TRIM42: variants seen among roughly 807,000 people sequenced by gnomAD.
The protein encoded by TRIM42 is tripartite motif containing 42, also known as tripartite motif-containing protein 42.
Under a neutral mutation model 64.9 loss-of-function variants are expected in TRIM42, and 59 were observed. The ratio of observed to expected loss-of-function variants is 0.91; its 90% CI spans 0.74 to 1.13. TRIM42 has a LOEUF of 1.13. Among genes scored for constraint, TRIM42 ranks in the 50% most tolerant of loss-of-function variants. The probability of loss-of-function intolerance (pLI) is 0.00; values close to 1 mark genes in which losing one functional copy is unlikely to be tolerated. For missense variants in TRIM42, 878 were observed against 929.5 expected, an observed-to-expected ratio of 0.94 and a Z score of 0.72; for synonymous variants, 354 against 346.3, an observed-to-expected ratio of 1.02 and a Z score of -0.25.
chr3:140,686,748 C>T (rs1464640748), intron 2 of TRIM42, among the ~76,000 whole-genome samples: 1 of 152,170 alleles, frequency 6.6e-6, no homozygotes, highest in Non-Finnish European at 1.5e-5. Flanking sequence ...TGAGAAGAAC[C>T]TTACCCGTAG....
chr3:140,691,977 GA>G (rs10711078), intron 4 of TRIM42, among the ~76,000 whole-genome samples: 119,746 of 149,832 alleles, frequency 0.8, 48,471 homozygotes, highest in Middle Eastern at 0.89. Context: ...AGAAGAAGAA[GA>G]AAAAAAAAAA....
intron 4 of TRIM42, among the ~76,000 whole-genome samples, chr3:140,698,042 A>C (rs1304685279): frequency 6.6e-6 from 1 of 152,130 alleles, no homozygotes; most frequent in Non-Finnish European, 1.5e-5. Flanking sequence ...TGAGGACTCT[A>C]TTACATGCCA....
chr3:140,694,726 T>C (rs1306927110), intron 4 of TRIM42, among the ~76,000 whole-genome samples: 1 of 152,228 alleles, frequency 6.6e-6, no homozygotes, highest in Admixed American at 6.5e-5. Context: ...ATTGCATTCC[T>C]TCTGAAGGGC....
chr3:140,691,112 C>A lies in TRIM42; in HGVS notation c.2005C>A (p.Leu669Met). 1 of 1,614,156 alleles carries A rather than the reference C, an allele frequency of 6.2e-7. No homozygotes were observed. The highest frequency in any genetic ancestry group is 8.5e-7 in the Non-Finnish European group (1 of 1,180,010). Residue 669 changes from leucine to methionine, a missense_variant, in exon 4 of 5, where the codon CTG becomes ATG. Transcript: ENST00000286349. Reference sequence around the variant, plus strand: ...GCAGCAAAATCTGGAGCTGCACAACCTGACCCCCAACACAGAATACGTGTT... The same window carrying A: ...GCAGCAAAATCTGGAGCTGCACAACATGACCCCCAACACAGAATACGTGTT... Reference protein sequence around the residue: ...IMQQNLELHNLTPNTEYVFKV... With the variant: ...IMQQNLELHNMTPNTEYVFKV...
intron 1 of TRIM42, 100 bp downstream of exon 1, chr3:140,678,670 G>A: frequency 2.0e-6 from 2 of 982,758 alleles, no homozygotes; most frequent in Non-Finnish European, 2.9e-6. Flanking sequence ...GAGCCTCTGA[G>A]TTCATTTCTT....
In TRIM42 at chr3:140,701,060, C is replaced by T. The variant is rs1988987816; in HGVS notation, c.*86C>T. 1.7e-6 allele frequency: 2 copies of T among 1,198,272 alleles called. No individual in the cohort carries two copies. Among genetic ancestry groups the T allele is most frequent in the Non-Finnish European group, 2.3e-6 (2 of 856,998 alleles). 74.2% of individuals were successfully genotyped at this position (1,198,272 alleles called of 1,614,324 possible). On this transcript the variant is annotated 3_prime_UTR_variant, in exon 5 of 5. Transcript: ENST00000286349. ...ATATGTATGTATATTTTTCTCACCA[C>T]ATTCTTCAAGGAGGTTGTAGACAAA...
At position 140,694,497 on chromosome 3, in the gene TRIM42, A is replaced by G. The variant is rs1475278349; in HGVS notation, c.2085+3305A>G. 2.0e-5 allele frequency among the ~76,000 whole-genome samples: 3 copies of G among 152,300 alleles called. No individual in the cohort carries two copies. The East Asian group carries it at 5.8e-4, about 29-fold the overall frequency. ...CTGTTGACCATCATACCCATTTCTGAAAACAGTCTCCTTACTTTGACTCAC... is the reference window on the plus strand; with the variant it reads ...CTGTTGACCATCATACCCATTTCTGGAAACAGTCTCCTTACTTTGACTCAC... On this transcript the variant is annotated intron_variant, in intron 4 of 4. Coordinates refer to ENST00000286349, the MANE Select transcript of TRIM42 (RefSeq NM_152616.5).
At chr3:140,699,945 AG>A (rs1332300749) in intron 4 of TRIM42, among the ~76,000 whole-genome samples, 5 of 152,210 alleles carry the variant, frequency 3.3e-5, no homozygotes, top group Non-Finnish European at 5.9e-5. Flanking sequence ...GAAGGTTAAA[AG>A]CTTTGTACAT....
chr3:140,697,425 T>A (rs1988880011), intron 4 of TRIM42, among the ~76,000 whole-genome samples: 1 of 152,230 alleles, frequency 6.6e-6, no homozygotes, highest in Non-Finnish European at 1.5e-5. Flanking sequence ...TAGGATTAGA[T>A]CACAAAGATA....
chr3:140,701,008 T>C lies in TRIM42; in HGVS notation c.*34T>C. On this transcript the variant is annotated 3_prime_UTR_variant, in exon 5 of 5. Transcript: ENST00000286349. ...AGAGCAGGAAACAACCTCAGACTCA[T>C]CACAAAGTAGACATATACACACACA... 2.5e-6 allele frequency: 4 copies of C among 1,590,620 alleles called. No homozygotes were observed. Among genetic ancestry groups the C allele is most frequent in the Non-Finnish European group, 3.4e-6 (4 of 1,159,892 alleles).
At chr3:140,690,527 TTATGTATATATATATATATATATATA>T in intron 3 of TRIM42, among the ~76,000 whole-genome samples, 1 of 92,350 alleles carries the variant, frequency 1.1e-5, no homozygotes, top group South Asian at 4.3e-4. Flanking sequence ...ATCCAAGTTT[TTATGTATATATATATATATATATATA>T]TATATATATA....
chr3:140,680,060 T>C (rs1166261705), intron 1 of TRIM42, among the ~76,000 whole-genome samples: 1 of 151,978 alleles, frequency 6.6e-6, no homozygotes, highest in Non-Finnish European at 1.5e-5. Flanking sequence ...AGAACAGGCC[T>C]GATTTTGGGA....
rs766857194 is a variant in TRIM42 at position 140,678,202 on chromosome 3, G to A, written c.-28G>A. ...GGTAGAGGAGGCATCAAGAGTCCTG[G>A]GAGGCCGGTGGTAATCATGTAGGCA... On this transcript the variant is annotated 5_prime_UTR_variant, in exon 1 of 5. Transcript: ENST00000286349. 2 of 1,592,500 alleles carry A rather than the reference G, an allele frequency of 1.3e-6. No homozygotes were observed. Among genetic ancestry groups the A allele is most frequent in the South Asian group, 1.1e-5 (1 of 88,942 alleles).
At chr3:140,682,154 T>C (rs904679903) in intron 1 of TRIM42, among the ~76,000 whole-genome samples, 2 of 152,226 alleles carry the variant, frequency 1.3e-5, no homozygotes, top group Admixed American at 6.5e-5. Flanking sequence ...ACACTGGCTG[T>C]GTACCACGGA....
rs780569143 is a variant in TRIM42, at chr3:140,690,968, G to T, written c.1861G>T (p.Val621Phe). The change falls in exon 4 of 5, where the codon GTT becomes TTT. Residue 621 changes from valine (V) to phenylalanine (F), a missense_variant and splice_region_variant. Physicochemically the swap from Val to Phe is conservative, Grantham distance 50 (BLOSUM62 -1). Coordinates refer to ENST00000286349, the MANE Select transcript of TRIM42 (RefSeq NM_152616.5). ...QTLVYPRAAK[V>F]YWTCPAEDVD... The stretch of plus-strand genomic sequence containing the variant: ...ACCAGTATGTTCATTTCTTCCATAG[G>T]TTTACTGGACATGTCCAGCAGAAGA... 1 of 1,609,972 alleles carries T rather than the reference G, an allele frequency of 6.2e-7. No homozygotes were observed. The highest frequency in any genetic ancestry group is 1.7e-5 in the Admixed American group (1 of 59,996).
Position 140,682,754 on chromosome 3 carries a change from G to C in TRIM42, c.634G>C (p.Gly212Arg). ...GCAGCTGCCCGAGAACTACCTGCAC[G>C]GGCGTCTCACCAAGCGCTACATGCA... ...KMQLPENYLH[G>R]RLTKRYMQEH... The change falls in exon 2 of 5, where the codon GGG (glycine) becomes CGG (arginine). Residue 212 changes from glycine to arginine, a missense_variant. Transcript: ENST00000286349. 7.4e-6 allele frequency: 12 copies of C among 1,613,016 alleles called. No homozygotes were observed. Among genetic ancestry groups the C allele is most frequent in the Non-Finnish European group, 9.3e-6 (11 of 1,180,032 alleles).
chr3:140,691,158 A>C lies in TRIM42; in HGVS notation c.2051A>C (p.Asp684Ala). 6.2e-7 allele frequency: 1 copy of C among 1,614,174 alleles called. No homozygotes were observed. The highest frequency in any genetic ancestry group is 8.5e-7 in the Non-Finnish European group (1 of 1,180,016). Residue 684 changes from aspartate (D) to alanine (A), a missense_variant, in exon 4 of 5, where the codon GAT becomes GCT. Physicochemically the swap from Asp to Ala is moderately radical, Grantham distance 126. Coordinates refer to ENST00000286349, the MANE Select transcript of TRIM42 (RefSeq NM_152616.5). ...EYVFKVRAIN[D>A]NGPGQWSDIC... The stretch of plus-strand genomic sequence containing the variant: ...GTGTTTAAAGTTAGAGCCATCAATG[A>C]TAATGGTCCTGGGCAATGGAGTGAT...
At chr3:140,680,073 C>T (rs1347651191) in intron 1 of TRIM42, among the ~76,000 whole-genome samples, 3 of 152,032 alleles carry the variant, frequency 2.0e-5, no homozygotes, top group South Asian at 4.2e-4. Context: ...TTTTGGGAGA[C>T]AGAGGGGGCT....
intron 4 of TRIM42, among the ~76,000 whole-genome samples, chr3:140,700,325 A>G (rs762222780): frequency 2.0e-4 from 31 of 152,164 alleles, no homozygotes; most frequent in Non-Finnish European, 4.1e-4. Context: ...CATCAAAGGA[A>G]AACAACTGGC....
Sources: gnomAD v4.1 joint callset for allele counts (sites outside exome capture counted in the v4.1 genomes callset) on GRCh38, gnomAD v4.1.1 for gene constraint, MANE v1.5 for transcripts, NCBI Gene and HGNC (gene_info 2026-07-23, HGNC 2026-07-21) for gene names.